The following RGS7 variants were observed in gnomAD, a reference collection of about 807,000 sequenced individuals.
RGS7 encodes the protein regulator of G protein signaling 7.
RGS7 carries 27 observed loss-of-function variants against 81.1 expected under a neutral mutation model. The ratio of observed to expected loss-of-function variants is 0.33; its 90% CI spans 0.25 to 0.46. RGS7 has a LOEUF of 0.46. RGS7 is among the 20% of genes least tolerant of loss of function. The probability of loss-of-function intolerance (pLI) is 1.00; values close to 1 mark genes in which losing one functional copy is unlikely to be tolerated. For synonymous variants in RGS7, 208 were observed against 207.7 expected (o/e 1.00, Z -0.01); for missense variants, 396 against 607.4 (o/e 0.65, Z 3.66).
At chr1:241,357,208 G>A (rs1320572399), upstream of RGS7, 1 of 151,976 alleles carries the variant, frequency 6.6e-6, no homozygotes, top group East Asian at 2.0e-4. Flanking sequence ...CGGGAGTCGA[G>A]ACGCCCGGCC....
At chr1:240,993,859 T>C (rs189017387) in intron 3 of RGS7, among the ~76,000 whole-genome samples, 264 of 152,336 alleles carry the variant, frequency 1.7e-3, no homozygotes, top group African/African-American at 6.1e-3. Context: ...TTTGTATAAG[T>C]TGTGAGACTT....
At chr1:240,989,811 T>C (rs1326446594) in intron 3 of RGS7, among the ~76,000 whole-genome samples, 1 of 152,056 alleles carries the variant, frequency 6.6e-6, no homozygotes, top group Non-Finnish European at 1.5e-5. Context: ...GAGGGAAGTA[T>C]AAAAACATAA....
chr1:241,340,214 T>C (rs79705461), intron 2 of RGS7, among the ~76,000 whole-genome samples: 5,643 of 152,230 alleles, frequency 0.037, 367 homozygotes, highest in African/African-American at 0.13. Flanking sequence ...CATAATTGCC[T>C]GAGACTAAGA....
At chr1:241,014,220 T>C (rs1338833314) in intron 3 of RGS7, among the ~76,000 whole-genome samples, 1 of 152,220 alleles carries the variant, frequency 6.6e-6, no homozygotes, top group Non-Finnish European at 1.5e-5. Flanking sequence ...TTTATTGAAT[T>C]TGAAGTCTTG....
intron 2 of RGS7, among the ~76,000 whole-genome samples, chr1:241,194,258 T>A: frequency 6.6e-6 from 1 of 152,186 alleles, no homozygotes; most frequent in Admixed American, 6.5e-5. Context: ...AAGCAAAAAT[T>A]ATATTGAGAA....
At chr1:240,805,102 C>T (rs1445052641) in intron 15 of RGS7, among the ~76,000 whole-genome samples, 2 of 152,052 alleles carry the variant, frequency 1.3e-5, no homozygotes, top group East Asian at 3.9e-4. Flanking sequence ...GGAGTGGGTG[C>T]AGTGGCTTAT....
At chr1:241,162,596 T>C (rs2069816898) in intron 2 of RGS7, among the ~76,000 whole-genome samples, 1 of 152,166 alleles carries the variant, frequency 6.6e-6, no homozygotes, top group Non-Finnish European at 1.5e-5. Flanking sequence ...GCCCTAAAGC[T>C]TTTTAAACAA....
chr1:241,306,690 TACAC>T (rs753661245), intron 2 of RGS7, among the ~76,000 whole-genome samples: 10 of 150,462 alleles, frequency 6.6e-5, no homozygotes, highest in Admixed American at 2.7e-4. Context: ...CACACACTCT[TACAC>T]ACACATACAC....
rs111569336 is a variant in RGS7, at chr1:240,979,099, A to G, written c.226+3980T>C. ...TAGGCAGGATAAAAAATCAGTTTTA[A>G]AAAACAGCATATGCACAGGCAACAA... On this transcript the variant is annotated intron_variant, in intron 4 of 18. Coordinates refer to ENST00000440928, the MANE Select transcript of RGS7 (RefSeq NM_001364886.1). Among the ~76,000 whole-genome samples the G allele has an allele frequency of 7.1e-4, 108 of 152,328 alleles. 1 individual carries two copies. Among genetic ancestry groups the G allele is most frequent in the African/African-American group, 2.5e-3 (106 of 41,582 alleles).
chr1:241,240,638 C>T (rs140970425), intron 2 of RGS7, among the ~76,000 whole-genome samples: 3 of 152,146 alleles, frequency 2.0e-5, no homozygotes, highest in African/African-American at 7.2e-5. Flanking sequence ...TCATCATATA[C>T]ATATAGTTAG....
At chr1:240,997,579 C>A (rs1190029015) in intron 3 of RGS7, among the ~76,000 whole-genome samples, 1 of 152,168 alleles carries the variant, frequency 6.6e-6, no homozygotes. Context: ...AATCTCAGCA[C>A]TTTGGGGGAC....
At chr1:241,005,503 C>A (rs2058638837) in intron 3 of RGS7, among the ~76,000 whole-genome samples, 1 of 152,044 alleles carries the variant, frequency 6.6e-6, no homozygotes, top group African/African-American at 2.4e-5. Flanking sequence ...TGAAATCTCA[C>A]ACTATGCACT....
chr1:241,021,844 G>A lies in RGS7; in HGVS notation c.176-38715C>T, dbSNP rs79755609. ...AACCACTCGGGGTCCTATCTTGATA[G>A]CCCTGGCTTACTTACCAATATAGGA... On this transcript the variant is annotated intron_variant, in intron 3 of 18. Coordinates refer to ENST00000440928, the MANE Select transcript of RGS7 (RefSeq NM_001364886.1). 3.7e-3 allele frequency among the ~76,000 whole-genome samples: 567 copies of A among 152,246 alleles called. 5 individuals carry two copies. The highest frequency in any genetic ancestry group is 0.02 in the Middle Eastern group (6 of 294).
At position 241,163,826 on chromosome 1, in the gene RGS7, C is replaced by T. The variant is rs550187573; in HGVS notation, c.79-65064G>A. Among the ~76,000 whole-genome samples, 2 of 149,234 alleles carry T rather than the reference C, an allele frequency of 1.3e-5. No homozygotes were observed. The highest frequency in any genetic ancestry group is 5.2e-5 in the African/African-American group (2 of 38,654). The stretch of plus-strand genomic sequence containing the variant: ...TTAGTTACCCTCTCCTCACAACCCA[C>T]ACCTCACCAACAAGCAAGCCATCAA... On this transcript the variant is annotated intron_variant, in intron 2 of 18. Transcript: ENST00000440928. This position sits in a 1 kb window ranked among gnomAD's most constrained non-coding sequence, Gnocchi z 4.6.
chr1:241,085,262 GT>G (rs2063363850), intron 3 of RGS7, among the ~76,000 whole-genome samples: 1 of 152,188 alleles, frequency 6.6e-6, no homozygotes, highest in Non-Finnish European at 1.5e-5. Flanking sequence ...AGAACATTTT[GT>G]AACATCCTGC....
intron 2 of RGS7, among the ~76,000 whole-genome samples, chr1:241,348,709 A>G (rs771006671): frequency 6.6e-6 from 1 of 152,226 alleles, no homozygotes; most frequent in Non-Finnish European, 1.5e-5. Context: ...TACCCAAGGA[A>G]CTGTGCAGAC....
rs970295294 is a variant in RGS7 at position 241,062,510 on chromosome 1, A to C, written c.175+36156T>G. ...CAAATTATTTAAATCTCTCAATGGA[A>C]GTTAATAGTTTTGAAGAATTAGAGC... On this transcript the variant is annotated intron_variant, in intron 3 of 18. Transcript: ENST00000440928. Among the ~76,000 whole-genome samples, 7 of 152,226 alleles carry C rather than the reference A, an allele frequency of 4.6e-5. No homozygotes were observed. The East Asian group carries it at 1.3e-3, about 29-fold the overall frequency.
intron 2 of RGS7, among the ~76,000 whole-genome samples, chr1:241,342,423 A>C (rs1420432362): frequency 6.6e-6 from 1 of 152,196 alleles, no homozygotes; most frequent in African/African-American, 2.4e-5. Flanking sequence ...ATAAGGTCAA[A>C]TGGTGCTACA....
intron 14 of RGS7, among the ~76,000 whole-genome samples, chr1:240,810,464 T>C (rs544485697): frequency 8.4e-6 from 1 of 119,052 alleles, no homozygotes; most frequent in African/African-American, 2.8e-5. Flanking sequence ...TTTTTTTTTT[T>C]GAGACAGAGT....
Sources: gnomAD v4.1 joint callset for allele counts (sites outside exome capture counted in the v4.1 genomes callset) on GRCh38, gnomAD v4.1.1 for gene constraint, Gnocchi (gnomAD v3.1) non-coding constraint, MANE v1.5 for transcripts, NCBI Gene and HGNC (gene_info 2026-07-23, HGNC 2026-07-21) for gene names.